The following SHTN1 variants were observed in gnomAD, a reference collection of about 807,000 sequenced individuals.
SHTN1 encodes the protein shootin 1.
Under a neutral mutation model 83.1 loss-of-function variants are expected in SHTN1, and 42 were observed. The ratio of observed to expected loss-of-function variants is 0.51; its 90% CI spans 0.39 to 0.65. The LOEUF is 0.65. Among genes scored for constraint, SHTN1 ranks in the 30% least tolerant of loss-of-function variants. The probability of loss-of-function intolerance (pLI) is 0.00; values close to 1 mark genes in which losing one functional copy is unlikely to be tolerated. For synonymous variants in SHTN1, 224 were observed against 247.7 expected (o/e 0.90, Z 0.90); for missense variants, 622 against 737.8 (o/e 0.84, Z 1.82).
intron 16 of SHTN1, among the ~76,000 whole-genome samples, chr10:116,890,976 A>G (rs1010964630): frequency 1.3e-4 from 20 of 152,220 alleles, no homozygotes; most frequent in African/African-American, 4.8e-4. Context: ...ACTATATTCA[A>G]CAACATTCTA....
intron 1 of SHTN1, among the ~76,000 whole-genome samples, chr10:117,123,231 AC>A (rs1294335704): frequency 6.6e-6 from 1 of 152,060 alleles, no homozygotes; most frequent in Non-Finnish European, 1.5e-5. Context: ...CAAACTCCTG[AC>A]CTCAGGTGAT....
intron 9 of SHTN1, among the ~76,000 whole-genome samples, chr10:116,936,370 C>T (rs1326380799): frequency 1.3e-5 from 2 of 152,134 alleles, no homozygotes; most frequent in African/African-American, 2.4e-5. Context: ...TATGTTGTAT[C>T]TCTGTTCTCA....
chr10:117,002,528 G>A (rs1851858283), intron 1 of SHTN1, among the ~76,000 whole-genome samples: 1 of 152,164 alleles, frequency 6.6e-6, no homozygotes, highest in South Asian at 2.1e-4. Flanking sequence ...GTAGTAACAG[G>A]TAGTAAAAAT....
chr10:116,893,520 GTTT>G (rs1847405484), intron 16 of SHTN1, among the ~76,000 whole-genome samples: 1 of 143,778 alleles, frequency 7.0e-6, no homozygotes, highest in African/African-American at 2.6e-5. Flanking sequence ...AGAAACAAAT[GTTT>G]ACTAAGTACA....
At chr10:116,979,782 T>G (rs575001174) in intron 1 of SHTN1, among the ~76,000 whole-genome samples, 1 of 152,350 alleles carries the variant, frequency 6.6e-6, no homozygotes, top group East Asian at 1.9e-4. Flanking sequence ...CTCCCAGCAC[T>G]ATTAGTCTGT....
intron 1 of SHTN1, among the ~76,000 whole-genome samples, chr10:116,986,211 T>C (rs1462907217): frequency 6.6e-6 from 1 of 152,128 alleles, no homozygotes; most frequent in East Asian, 1.9e-4. Context: ...CATTCCGTCC[T>C]CACAACAAAA....
At position 116,902,233 on chromosome 10, in the gene SHTN1, G is replaced by A. The variant is rs186348114; in HGVS notation, c.1481-276C>T. ...ATTCCCTCACTGACCAGGGTCCTTCGTAATACTGGAATTGTGGAAAGTCTT... is the reference window on the plus strand; with the variant it reads ...ATTCCCTCACTGACCAGGGTCCTTCATAATACTGGAATTGTGGAAAGTCTT... On this transcript the variant is annotated intron_variant, in intron 15 of 16. Transcript: ENST00000355371. Among the ~76,000 whole-genome samples, 762 of 152,238 alleles carry A rather than the reference G, an allele frequency of 5.0e-3. 10 individuals are homozygous for A. Among genetic ancestry groups the A allele is most frequent in the African/African-American group, 0.017 (717 of 41,532 alleles).
chr10:117,055,991 C>A (rs991204312), intron 1 of SHTN1, among the ~76,000 whole-genome samples: 4 of 152,114 alleles, frequency 2.6e-5, no homozygotes, highest in Non-Finnish European at 2.9e-5. Flanking sequence ...GGACCGATTC[C>A]TCAAATACCA....
intron 12 of SHTN1, among the ~76,000 whole-genome samples, chr10:116,918,404 G>A (rs1013469970): frequency 6.6e-6 from 1 of 150,588 alleles, no homozygotes; most frequent in Non-Finnish European, 1.5e-5. Context: ...TTGAAGAAAC[G>A]AAAATGAATT....
At chr10:116,986,822 G>C (rs556042255) in intron 1 of SHTN1, among the ~76,000 whole-genome samples, 3 of 148,174 alleles carry the variant, frequency 2.0e-5, no homozygotes, top group African/African-American at 7.5e-5. Flanking sequence ...TCTGCCTTCC[G>C]GGTTCAAGCG....
intron 1 of SHTN1, among the ~76,000 whole-genome samples, chr10:116,993,826 T>C (rs189800748): frequency 6.8e-4 from 103 of 152,304 alleles, no homozygotes; most frequent in African/African-American, 2.2e-3. Context: ...CCTTAGAGTT[T>C]TGTGAAATTA....
chr10:117,001,356 T>C (rs1473667318), intron 1 of SHTN1, among the ~76,000 whole-genome samples: 1 of 152,192 alleles, frequency 6.6e-6, no homozygotes, highest in Non-Finnish European at 1.5e-5. Flanking sequence ...GTGGGTGTGA[T>C]TTATAAGACA....
At chr10:117,125,990 C>A (rs1011498990) in intron 1 of SHTN1, among the ~76,000 whole-genome samples, 1 of 152,224 alleles carries the variant, frequency 6.6e-6, no homozygotes, top group Non-Finnish European at 1.5e-5. Flanking sequence ...GGCACTCCGT[C>A]CGTCCTGTGC....
chr10:117,115,017 C>T (rs1042211750), intron 1 of SHTN1, among the ~76,000 whole-genome samples: 6 of 152,190 alleles, frequency 3.9e-5, no homozygotes, highest in East Asian at 3.8e-4. Flanking sequence ...GAAATGAAGA[C>T]GGTGAGACTG....
chr10:116,921,406 C>T (rs1327506139), intron 12 of SHTN1, 28 bp downstream of exon 12: 1 of 1,542,742 alleles, frequency 6.5e-7, no homozygotes, highest in Non-Finnish European at 8.9e-7. Flanking sequence ...CACCATCAAC[C>T]ACTTACACCA....
chr10:116,997,693 C>T (rs946379862), intron 1 of SHTN1, among the ~76,000 whole-genome samples: 1 of 152,210 alleles, frequency 6.6e-6, no homozygotes, highest in Non-Finnish European at 1.5e-5. Context: ...GATCATCTAG[C>T]TGACATAGTG....
At chr10:116,968,791 T>C in intron 2 of SHTN1, 79 bp from the exon 3 acceptor site, 2 of 1,057,688 alleles carry the variant, frequency 1.9e-6, no homozygotes, top group East Asian at 4.9e-5. Context: ...AGCAAACTTA[T>C]AAACAACAGC....
At chr10:116,985,586 A>C (rs543375270) in intron 1 of SHTN1, among the ~76,000 whole-genome samples, 20 of 152,202 alleles carry the variant, frequency 1.3e-4, no homozygotes, top group Non-Finnish European at 2.2e-4. Context: ...CAAATCATGA[A>C]AGAGAACATA....
At chr10:117,121,909 G>A (rs1193926408) in intron 1 of SHTN1, among the ~76,000 whole-genome samples, 2 of 152,104 alleles carry the variant, frequency 1.3e-5, no homozygotes, top group African/African-American at 4.8e-5. Flanking sequence ...GCAGGCGCCT[G>A]TAGTCCCAGC....
Sources: allele counts gnomAD v4.1 joint callset (sites outside exome capture counted in the v4.1 genomes callset), GRCh38; gene constraint gnomAD v4.1.1; transcripts MANE v1.5; gene names NCBI Gene and HGNC (gene_info 2026-07-23, HGNC 2026-07-21).